The following RC3H2 variants were observed in gnomAD, a reference collection of about 807,000 sequenced individuals.
The protein encoded by RC3H2 is roquin-2.
A neutral mutation model predicts 133.3 loss-of-function variants in RC3H2; 31 were observed. The observed-to-expected ratio is 0.23, with a 90% CI of 0.17 to 0.31. The LOEUF is 0.31. RC3H2 is among the 10% of genes least tolerant of loss of function. The pLI is 1.00. For missense variants in RC3H2, 1,175 were observed against 1,437.2 expected, an observed-to-expected ratio of 0.82 and a Z score of 2.95; for synonymous variants, 517 against 502.2, an observed-to-expected ratio of 1.03 and a Z score of -0.40.
chr9:122,882,492 T>C (rs778686718), intron 5 of RC3H2, among the ~76,000 whole-genome samples: 1 of 152,242 alleles, frequency 6.6e-6, no homozygotes, highest in African/African-American at 2.4e-5. Flanking sequence ...ATTTAAATGT[T>C]TTACTTTCAT....
At chr9:122,889,790 A>G (rs1268154568) in intron 4 of RC3H2, among the ~76,000 whole-genome samples, 2 of 152,208 alleles carry the variant, frequency 1.3e-5, no homozygotes, top group African/African-American at 4.8e-5. Context: ...CTTAAATGAG[A>G]AATTTTGTTT....
In RC3H2 at chr9:122,855,609, C is replaced by G. The variant is rs1434601086; in HGVS notation, c.2601+123G>C. On this transcript the variant is annotated intron_variant, in intron 14 of 20. Transcript: ENST00000357244. ...TATTTCAGACTTACCTAAATATAAC[C>G]CTGCTGCTACTGAGTTATAAGGCAA... 16 of 1,114,958 alleles carry G rather than the reference C, an allele frequency of 1.4e-5. No individual in the cohort carries two copies. In the East Asian group the frequency reaches 3.8e-4, roughly 27 times the overall value. The allele number at this position is 1,114,958 out of a possible 1,614,324, so 69.1% of individuals were successfully genotyped here.
intron 15 of RC3H2, 80 bp from the exon 16 acceptor site, chr9:122,854,695 G>A: frequency 1.1e-6 from 1 of 913,654 alleles, no homozygotes; most frequent in Non-Finnish European, 1.8e-6. Flanking sequence ...TCTCAAAATA[G>A]ATCTGTATTT....
intron 4 of RC3H2, among the ~76,000 whole-genome samples, chr9:122,885,483 GAAGTT>G (rs1445569274): frequency 1.3e-5 from 2 of 152,272 alleles, no homozygotes; most frequent in Admixed American, 6.5e-5. Context: ...GAGGTCCAGA[GAAGTT>G]AAGTGATTAA....
intron 10 of RC3H2, among the ~76,000 whole-genome samples, chr9:122,863,943 G>T (rs1830548973): frequency 6.6e-6 from 1 of 152,128 alleles, no homozygotes. Flanking sequence ...CTCCATGTTG[G>T]TCAGGCTGGT....
rs777581954 is a variant in RC3H2, at chr9:122,855,180, T to C, written c.2815+4A>G. 1.2e-6 allele frequency: 2 copies of C among 1,607,374 alleles called. No homozygotes were observed. Among genetic ancestry groups the C allele is most frequent in the East Asian group, 2.2e-5 (1 of 44,836 alleles). ...TCAGGCTAGGTATTATCTAAATGGA[T>C]TACCTGATACACTGATGGGCTTAGT... On this transcript the variant is annotated splice_donor_region_variant and intron_variant, in intron 15 of 20. Coordinates refer to ENST00000357244, the MANE Select transcript of RC3H2 (RefSeq NM_001100588.3).
In RC3H2 at chr9:122,897,581, A is replaced by G. The variant is rs1832478135; in HGVS notation, c.-67-5T>C. 1.3e-6 allele frequency: 2 copies of G among 1,518,972 alleles called. No homozygotes were observed. The highest frequency in any genetic ancestry group is 4.2e-5 in the Admixed American group (2 of 47,544). The allele number at this position is 1,518,972 out of a possible 1,614,324, so 94.1% of individuals were successfully genotyped here. A position where few individuals can be genotyped will look rare whatever the true frequency, so the allele number is the denominator to read the frequency against. On this transcript the variant is annotated splice_polypyrimidine_tract_variant and splice_region_variant and intron_variant, in intron 1 of 20. Transcript: ENST00000357244. ...TGCTGTGTAGTGTTTTGTAAGCTAG[A>G]AATGGACAAAAGTATGAATTAACCA...
At chr9:122,855,096 G>C (rs1830190627) in intron 15 of RC3H2, 88 bp downstream of exon 15, 1 of 1,035,792 alleles carries the variant, frequency 9.7e-7, no homozygotes, top group Non-Finnish European at 1.4e-6. Context: ...CTGGGCAACA[G>C]AGTGAGACTC....
rs761714068 is a variant in RC3H2 at position 122,855,886 on chromosome 9, A to G, written c.2455-8T>C. The G allele has an allele frequency of 6.3e-7, 1 of 1,594,184 alleles. No homozygotes were observed. The highest frequency in any genetic ancestry group is 1.8e-5 in the Admixed American group (1 of 55,430). On this transcript the variant is annotated splice_region_variant and splice_polypyrimidine_tract_variant and intron_variant, in intron 13 of 20. Transcript: ENST00000357244. The stretch of plus-strand genomic sequence containing the variant: ...ACTCACACTCTCTGAGAACTGGTTA[A>G]AAAAAAATAAATAAAGCCAATTAGT...
chr9:122,868,910 TTTTGTG>T (rs1830918951), intron 9 of RC3H2, among the ~76,000 whole-genome samples: 5 of 124,158 alleles, frequency 4.0e-5, no homozygotes, highest in African/African-American at 9.7e-5. Context: ...TTTTTTTTTT[TTTTGTG>T]GGGGGGTTAA....
chr9:122,879,812 A>C lies in RC3H2; in HGVS notation c.1155T>G (p.Val385=), dbSNP rs1378567796. 2 of 1,614,026 alleles carry C rather than the reference A, an allele frequency of 1.2e-6. No homozygotes were observed. Among genetic ancestry groups the C allele is most frequent in the African/African-American group, 1.3e-5 (1 of 74,926 alleles). Residue 385 remains valine, a synonymous_variant, in exon 8 of 21, where the codon GTT becomes GTG. Coordinates refer to ENST00000357244, the MANE Select transcript of RC3H2 (RefSeq NM_001100588.3). ...TTTGTATGAAGTCCACAAGGCCATGAACTACTGTTTTAACAGCTACCATTG... is the reference window on the plus strand; with the variant it reads ...TTTGTATGAAGTCCACAAGGCCATGCACTACTGTTTTAACAGCTACCATTG... ...ENAMVAVKTV[V]HGLVDFIQNY...
chr9:122,876,471 T>C (rs967022586), intron 9 of RC3H2, among the ~76,000 whole-genome samples: 2 of 151,706 alleles, frequency 1.3e-5, no homozygotes, highest in Non-Finnish European at 2.9e-5. Flanking sequence ...CTACTAAAAA[T>C]ACAAAAATTG....
At chr9:122,851,020 ATTT>A in intron 20 of RC3H2, 58 bp downstream of exon 20, 1 of 1,574,550 alleles carries the variant, frequency 6.4e-7, no homozygotes, top group Non-Finnish European at 8.7e-7. Context: ...TTAATTTCGC[ATTT>A]TTTTCTCTTT....
rs1829936276 is a variant in RC3H2 at position 122,849,416 on chromosome 9, A to ACAT, written c.*210_*211insATG. 1 of 163,628 alleles carries ACAT rather than the reference A, an allele frequency of 6.1e-6. No individual in the cohort carries two copies. The highest frequency in any genetic ancestry group is 2.4e-5 in the African/African-American group (1 of 41,694). 10.1% of individuals were successfully genotyped at this position (163,628 alleles called of 1,614,324 possible). ...TTCCAATCATTTCTGGAAAGTGAACATGTTACCCTAGTAAAGTAAATTTTC... is the reference window on the plus strand; with the variant it reads ...TTCCAATCATTTCTGGAAAGTGAACACATTGTTACCCTAGTAAAGTAAATTTTC... On this transcript the variant is annotated 3_prime_UTR_variant, in exon 21 of 21. Coordinates refer to ENST00000357244, the MANE Select transcript of RC3H2 (RefSeq NM_001100588.3).
chr9:122,862,269 T>G (rs1252719354), intron 10 of RC3H2, among the ~76,000 whole-genome samples: 2 of 152,214 alleles, frequency 1.3e-5, no homozygotes, highest in Admixed American at 1.3e-4. Context: ...CATGAAATCA[T>G]GCAAGCTATC....
intron 2 of RC3H2, among the ~76,000 whole-genome samples, chr9:122,894,426 A>G (rs1832331895): frequency 6.6e-6 from 1 of 152,194 alleles, no homozygotes; most frequent in Admixed American, 6.5e-5. Context: ...GAGGTAGCCA[A>G]TCAATAAATT....
At chr9:122,890,012 T>C (rs574077343) in intron 4 of RC3H2, among the ~76,000 whole-genome samples, 5 of 152,040 alleles carry the variant, frequency 3.3e-5, no homozygotes, top group Non-Finnish European at 5.9e-5. Context: ...TATGATGGCG[T>C]GTGCCTGTAG....
chr9:122,868,682 A>G (rs1364614013), intron 9 of RC3H2, among the ~76,000 whole-genome samples: 3 of 151,792 alleles, frequency 2.0e-5, no homozygotes, highest in Non-Finnish European at 4.4e-5. Context: ...TCCCTCCACT[A>G]TTGTCCTATG....
At position 122,851,109 on chromosome 9, in the gene RC3H2, G is replaced by T. The variant is rs1260806711; in HGVS notation, c.3352C>A (p.Gln1118Lys). Residue 1118 changes from glutamine to lysine, a missense_variant, in exon 20 of 21, where the codon CAG (glutamine) becomes AAG (lysine). Gln to Lys is a moderately conservative substitution (Grantham distance 53, BLOSUM62 1). Around this residue, in one of 8 missense-constraint regions of RC3H2, gnomAD observed 220 missense variants for 201.1 expected, o/e 1.09. Transcript: ENST00000357244. Reference sequence around the variant, plus strand: ...ATCACATGGTCTTCACCTAAACTCTGTTTCTTCTGCTTTGGTGGCTCCTTT... The same window carrying T: ...ATCACATGGTCTTCACCTAAACTCTTTTTCTTCTGCTTTGGTGGCTCCTTT... ...HQKEPPKQKK[Q>K]SLGEDHVILE... The T allele has an allele frequency of 5.0e-6, 8 of 1,614,026 alleles. No individual in the cohort carries two copies. The highest frequency in any genetic ancestry group is 6.8e-6 in the Non-Finnish European group (8 of 1,180,046).
Sources: allele counts gnomAD v4.1 joint callset (sites outside exome capture counted in the v4.1 genomes callset), GRCh38; gene constraint gnomAD v4.1.1; regional missense constraint gnomAD v4.1.1; transcripts MANE v1.5; gene names NCBI Gene and HGNC (gene_info 2026-07-23, HGNC 2026-07-21).